Variants in AFF2 observed in about 807,000 individuals in gnomAD.
AFF2 encodes the protein AF4/FMR2 family member 2.
AFF2 carries 14 observed loss-of-function variants against 76.9 expected under a neutral mutation model. The observed-to-expected ratio is 0.18, with a 90% CI of 0.12 to 0.28. The LOEUF (loss-of-function observed/expected upper bound fraction) is 0.28, where lower values mean the gene tolerates loss of function less well. AFF2 is among the 10% of genes least tolerant of loss of function. The pLI is 1.00. For missense variants in AFF2, 868 were observed against 1,001.1 expected, an observed-to-expected ratio of 0.87 and a Z score of 1.79; for synonymous variants, 398 against 366.7, an observed-to-expected ratio of 1.09 and a Z score of -0.98.
chrX:148,930,066 C>T (rs782143626), intron 9 of AFF2, among the ~76,000 whole-genome samples: 39 of 111,705 alleles, frequency 3.5e-4, no homozygotes, highest in South Asian at 2.7e-3. Flanking sequence ...TGATTTTTAC[C>T]GGCAAATGGG....
In AFF2 at chrX:148,947,360, C is replaced by T. The variant is rs1167607368; in HGVS notation, c.1398-6220C>T. On this transcript the variant is annotated intron_variant, in intron 9 of 20. Coordinates refer to ENST00000370460, the MANE Select transcript of AFF2 (RefSeq NM_002025.4). ...TGAATTATTTTATTTTCAAATTGTG[C>T]TCAGGGGGCATCCCAAGGAGGTAGG... Among the ~76,000 whole-genome samples the T allele has an allele frequency of 3.6e-5, 4 of 112,029 alleles. No individual in the cohort carries two copies. The East Asian group carries it at 1.1e-3, about 31-fold the overall frequency.
chrX:148,699,477 T>C (rs1470960010), intron 3 of AFF2, among the ~76,000 whole-genome samples: 1 of 111,673 alleles, frequency 9.0e-6, no homozygotes, highest in Non-Finnish European at 1.9e-5. Context: ...ATAGCATCTA[T>C]AATGCCATCT....
intron 9 of AFF2, among the ~76,000 whole-genome samples, chrX:148,932,232 C>T (rs1490566794): frequency 8.9e-6 from 1 of 112,209 alleles, no homozygotes; most frequent in Non-Finnish European, 1.9e-5. Flanking sequence ...CAGGTATAGC[C>T]TGTGCAACTT....
chrX:148,629,586 A>C (rs917797592), intron 1 of AFF2, among the ~76,000 whole-genome samples: 6 of 112,252 alleles, frequency 5.3e-5, no homozygotes, highest in Non-Finnish European at 9.4e-5. Context: ...TGCAAGAAAG[A>C]CAATTTGTTA....
In AFF2 at chrX:148,998,494, TAA is replaced by T. The variant is rs1291323389; in HGVS notation, c.*7164_*7165del. On this transcript the variant is annotated 3_prime_UTR_variant, in exon 21 of 21. Transcript: ENST00000370460. Reference sequence around the variant, plus strand: ...ATAACTGCATTATTACATGGCAGTATAAATATTAGTCTGTTGAATTCATTTGT... The same window carrying T: ...ATAACTGCATTATTACATGGCAGTATATATTAGTCTGTTGAATTCATTTGT... 1 of 112,646 alleles carries T rather than the reference TAA, an allele frequency of 8.9e-6. No homozygotes were observed. Among genetic ancestry groups the T allele is most frequent in the African/African-American group, 3.2e-5 (1 of 30,905 alleles). 9.3% of individuals were successfully genotyped at this position (112,646 alleles called of 1,213,427 possible).
At chrX:148,641,952 T>C (rs1308722709) in intron 1 of AFF2, among the ~76,000 whole-genome samples, 3 of 112,388 alleles carry the variant, frequency 2.7e-5, no homozygotes, top group African/African-American at 9.7e-5. Context: ...TGTCATATTC[T>C]GAGGTACTGT....
chrX:148,753,513 C>T (rs1310851782), intron 3 of AFF2, among the ~76,000 whole-genome samples: 1 of 111,931 alleles, frequency 8.9e-6, no homozygotes, highest in Non-Finnish European at 1.9e-5. Flanking sequence ...GTCTTACATG[C>T]TTTGGCACAT....
chrX:148,596,199 C>T (rs1323049698), intron 1 of AFF2, among the ~76,000 whole-genome samples: 1 of 111,989 alleles, frequency 8.9e-6, no homozygotes, highest in Non-Finnish European at 1.9e-5. Flanking sequence ...TATATATACT[C>T]CTACTAAGCA....
intron 1 of AFF2, among the ~76,000 whole-genome samples, chrX:148,576,360 C>A (rs899092469): frequency 2.7e-5 from 3 of 111,591 alleles, no homozygotes; most frequent in Middle Eastern, 4.6e-3. Context: ...AATTATAGGT[C>A]ATACAAAGAT....
intron 1 of AFF2, among the ~76,000 whole-genome samples, chrX:148,553,528 C>T (rs1228820803): frequency 2.7e-5 from 3 of 111,681 alleles, no homozygotes; most frequent in East Asian, 2.8e-4. Flanking sequence ...AACAAATGTA[C>T]TGTGGCCTTC....
At chrX:148,826,634 A>G (rs2070391710) in intron 4 of AFF2, among the ~76,000 whole-genome samples, 1 of 111,996 alleles carries the variant, frequency 8.9e-6, no homozygotes, top group African/African-American at 3.2e-5. Context: ...TTGAGTTTAG[A>G]AAGTTCTCCT....
At chrX:148,747,734 C>T (rs1557266186) in intron 3 of AFF2, among the ~76,000 whole-genome samples, 1 of 111,635 alleles carries the variant, frequency 9.0e-6, no homozygotes, top group East Asian at 2.8e-4. Flanking sequence ...CAAAACAGGA[C>T]CTAATGTTTC....
intron 3 of AFF2, among the ~76,000 whole-genome samples, chrX:148,699,512 C>G (rs2054761127): frequency 2.7e-5 from 3 of 111,635 alleles, no homozygotes; most frequent in South Asian, 7.6e-4. Context: ...CTTTGGAGAG[C>G]ATGGAATACA....
chrX:148,575,174 A>G (rs2053274090), intron 1 of AFF2, among the ~76,000 whole-genome samples: 1 of 111,338 alleles, frequency 9.0e-6, no homozygotes, highest in Non-Finnish European at 1.9e-5. Context: ...TTCCTTCTGT[A>G]ATTAGCTTTC....
chrX:148,677,107 C>G (rs1191220725), intron 3 of AFF2, among the ~76,000 whole-genome samples: 1 of 110,176 alleles, frequency 9.1e-6, no homozygotes, highest in Non-Finnish European at 1.9e-5. Flanking sequence ...ATTTTTAAGT[C>G]TGATTCAATG....
intron 1 of AFF2, among the ~76,000 whole-genome samples, chrX:148,556,465 A>G (rs1297062999): frequency 8.9e-6 from 1 of 112,038 alleles, no homozygotes; most frequent in Non-Finnish European, 1.9e-5. Context: ...TTTTTACTCC[A>G]GAAAATATTT....
At chrX:148,977,792 T>A (rs1225518435) in intron 16 of AFF2, 141 bp from the exon 17 acceptor site, 7 of 483,103 alleles carry the variant, frequency 1.4e-5, no homozygotes, top group African/African-American at 1.4e-4. Context: ...GGAAGCATGC[T>A]TTTGCCCACA....
chrX:148,574,685 A>T (rs184951525), intron 1 of AFF2, among the ~76,000 whole-genome samples: 1 of 111,447 alleles, frequency 9.0e-6, no homozygotes, highest in Non-Finnish European at 1.9e-5. Context: ...CTTCATGAAG[A>T]TGATGGCACA....
At chrX:148,951,816 TC>T (rs11344516) in intron 9 of AFF2, among the ~76,000 whole-genome samples, 14,702 of 110,793 alleles carry the variant, frequency 0.13, 1,687 homozygotes, top group African/African-American at 0.37. Context: ...CTCCTCCCTT[TC>T]CCCCCCACTG....
Sources: allele counts gnomAD v4.1 joint callset (sites outside exome capture counted in the v4.1 genomes callset), GRCh38; gene constraint gnomAD v4.1.1; transcripts MANE v1.5; gene names NCBI Gene and HGNC (gene_info 2026-07-23, HGNC 2026-07-21).